TRERF1: variants seen among roughly 807,000 people sequenced by gnomAD.
TRERF1 encodes transcriptional-regulating factor 1.
A neutral mutation model predicts 122.9 loss-of-function variants in TRERF1; 27 were observed. The observed-to-expected ratio is 0.22, with a 90% CI of 0.16 to 0.30. The LOEUF is 0.30. TRERF1 is among the 10% of genes least tolerant of loss of function. TRERF1 has a pLI of 1.00. For missense variants in TRERF1, 1,248 were observed against 1,560.3 expected (o/e 0.80, Z 3.37); for synonymous variants, 636 against 641.7 (o/e 0.99, Z 0.13).
At chr6:42,323,338 A>G (rs959587402) in intron 3 of TRERF1, among the ~76,000 whole-genome samples, 1 of 151,908 alleles carries the variant, frequency 6.6e-6, no homozygotes, top group Admixed American at 6.6e-5. Context: ...AGCTGGGATT[A>G]CAGGCATGCA....
At chr6:42,376,513 C>A (rs1413650319) in intron 2 of TRERF1, among the ~76,000 whole-genome samples, 10 of 150,374 alleles carry the variant, frequency 6.7e-5, no homozygotes, top group Non-Finnish European at 1.3e-4. Flanking sequence ...AATGTTGAAA[C>A]CTTCATGACT....
At chr6:42,391,171 CTTT>C (rs974255782) in intron 2 of TRERF1, among the ~76,000 whole-genome samples, 1 of 152,156 alleles carries the variant, frequency 6.6e-6, no homozygotes, top group Non-Finnish European at 1.5e-5. Context: ...CAGAACAGGG[CTTT>C]TCGAGATCTT....
chr6:42,387,268 C>T (rs1157461081), intron 2 of TRERF1, among the ~76,000 whole-genome samples: 1 of 152,190 alleles, frequency 6.6e-6, no homozygotes, highest in African/African-American at 2.4e-5. Flanking sequence ...AAATACAAAT[C>T]TAAGGAAATG....
At chr6:42,436,425 T>C (rs1465456988) in intron 2 of TRERF1, among the ~76,000 whole-genome samples, 2 of 152,182 alleles carry the variant, frequency 1.3e-5, no homozygotes, top group East Asian at 3.8e-4. Flanking sequence ...AATATTTAAT[T>C]AGTAAGTATT....
At position 42,269,624 on chromosome 6, in the gene TRERF1, A is replaced by C. The variant is rs1172199835; in HGVS notation, c.-34T>G. ...CCTTGGTTGTGAACGTCCAGCCACA[A>C]AACCATAAAAAAGGTAAATAAAACA... On this transcript the variant is annotated 5_prime_UTR_variant, in exon 5 of 18. Coordinates refer to ENST00000372922, the Ensembl canonical transcript of TRERF1. This position sits in a 1 kb window ranked among gnomAD's most constrained non-coding sequence, Gnocchi z 4.9. 6.3e-7 allele frequency: 1 copy of C among 1,595,646 alleles called. No individual in the cohort carries two copies. Among genetic ancestry groups the C allele is most frequent in the Admixed American group, 1.7e-5 (1 of 57,682 alleles).
chr6:42,277,235 C>T (rs1487180583), intron 4 of TRERF1, among the ~76,000 whole-genome samples: 1 of 152,106 alleles, frequency 6.6e-6, no homozygotes, highest in Non-Finnish European at 1.5e-5. Flanking sequence ...TTCCTGGACA[C>T]ATTTGTTTCA....
intron 2 of TRERF1, among the ~76,000 whole-genome samples, chr6:42,366,073 T>C (rs1772671805): frequency 6.6e-6 from 1 of 152,080 alleles, no homozygotes; most frequent in Non-Finnish European, 1.5e-5. Flanking sequence ...ACCCAGCACA[T>C]TCCTCCCCTG....
rs1316955757 is a variant in TRERF1, at chr6:42,360,770, TTAAAAAAAAAAAA to T, written c.-371+2214_-371+2226del. On this transcript the variant is annotated intron_variant, in intron 3 of 17. Transcript: ENST00000372922. ...ACCCAGGGAGGAAGGAGTGGAGAGA[TTAAAAAAAAAAAA>T]AAAAAAAAAAAAAAAAAAACCTGGA... Among the ~76,000 whole-genome samples the T allele has an allele frequency of 3.3e-3, 209 of 64,096 alleles. 3 individuals carry two copies. Among genetic ancestry groups the T allele is most frequent in the African/African-American group, 8.9e-3 (192 of 21,630 alleles). The allele number at this position is 64,096 out of a possible 152,430, so 42.0% of individuals were successfully genotyped here. A position where few individuals can be genotyped will look rare whatever the true frequency, so the allele number is the denominator to read the frequency against.
chr6:42,229,972 C>T (rs114629079), intron 17 of TRERF1, among the ~76,000 whole-genome samples: 2,941 of 152,132 alleles, frequency 0.019, 91 homozygotes, highest in African/African-American at 0.066. Flanking sequence ...CAGTAAACGG[C>T]CCACAAAACC....
At chr6:42,422,982 G>A (rs1783020370) in intron 2 of TRERF1, among the ~76,000 whole-genome samples, 1 of 152,202 alleles carries the variant, frequency 6.6e-6, no homozygotes, top group East Asian at 1.9e-4. Context: ...TGGGATTACA[G>A]GCATGCGCCA....
rs185889768 is a variant in TRERF1 at position 42,254,252 on chromosome 6, G to A, written c.2656+599C>T. Among the ~76,000 whole-genome samples, 177 of 152,244 alleles carry A rather than the reference G, an allele frequency of 1.2e-3. 1 individual carries two copies. The highest frequency in any genetic ancestry group is 4.0e-3 in the African/African-American group (166 of 41,534). On this transcript the variant is annotated intron_variant, in intron 13 of 17. Coordinates refer to ENST00000372922, the Ensembl canonical transcript of TRERF1. ...CCTCCTCAGAGCCTCTGAGCTGCAC[G>A]ACGTAGGACTCTGCCCATGTCTGTC...
intron 2 of TRERF1, among the ~76,000 whole-genome samples, chr6:42,394,576 T>C (rs914632922): frequency 2.0e-5 from 3 of 152,062 alleles, no homozygotes; most frequent in Admixed American, 6.5e-5. Context: ...GGATTGGGAA[T>C]AAAAACCAAG....
intron 3 of TRERF1, among the ~76,000 whole-genome samples, chr6:42,357,624 A>G (rs1415555291): frequency 6.6e-6 from 1 of 152,180 alleles, no homozygotes; most frequent in Admixed American, 6.5e-5. Context: ...TCCTGCAGGA[A>G]GGCAACCAAC....
chr6:42,259,691 G>C lies in TRERF1; in HGVS notation c.1917C>G (p.Pro639=). ...CGGTCTTGAGGGGCTCCTCGGCTTT[G>C]GGCACACTCGGCTGATGCTTCCTGG... The change falls in exon 9 of 18, where the codon CCC becomes CCG. Residue 639 remains proline (P), a synonymous_variant. Transcript: ENST00000372922. This position sits in a 1 kb window ranked among gnomAD's most constrained non-coding sequence, Gnocchi z 4.9. 1 of 1,605,402 alleles carries C rather than the reference G, an allele frequency of 6.2e-7. No individual in the cohort carries two copies.
rs965561553 is a variant in TRERF1, at chr6:42,263,643, A to G, written c.1636-75T>C. On this transcript the variant is annotated intron_variant, in intron 7 of 17. Coordinates refer to ENST00000372922, the Ensembl canonical transcript of TRERF1. This position sits in a 1 kb window ranked among gnomAD's most constrained non-coding sequence, Gnocchi z 5.6. ...AGGGGGATGCACTTTGCTTTTCCCG[A>G]AAGGTTCCAGGACATCAGGTATGGG... The G allele has an allele frequency of 2.8e-6, 4 of 1,404,524 alleles. No homozygotes were observed. The highest frequency in any genetic ancestry group is 3.7e-6 in the Non-Finnish European group (4 of 1,074,438). The allele number at this position is 1,404,524 out of a possible 1,614,324, so 87.0% of individuals were successfully genotyped here.
chr6:42,256,155 A>T (rs1045291806), intron 12 of TRERF1, among the ~76,000 whole-genome samples: 6 of 149,018 alleles, frequency 4.0e-5, no homozygotes, highest in African/African-American at 1.2e-4. Flanking sequence ...AAAAAAAGGA[A>T]GTCCAGGTTG....
chr6:42,422,394 T>C (rs1220316226), intron 2 of TRERF1, among the ~76,000 whole-genome samples: 3 of 150,926 alleles, frequency 2.0e-5, no homozygotes, highest in Non-Finnish European at 4.4e-5. Flanking sequence ...GGCGTATGCC[T>C]GTAGTTCCAG....
chr6:42,351,236 G>C (rs1056514557), intron 3 of TRERF1, among the ~76,000 whole-genome samples: 3 of 152,160 alleles, frequency 2.0e-5, no homozygotes, highest in African/African-American at 7.2e-5. Context: ...TGGTGATATG[G>C]ATCACTAGCC....
intron 4 of TRERF1, among the ~76,000 whole-genome samples, chr6:42,277,868 GAAGAAGA>G (rs1781446011): frequency 8.0e-6 from 1 of 125,162 alleles, no homozygotes; most frequent in East Asian, 2.4e-4. Flanking sequence ...AAGGAAGAAG[GAAGAAGA>G]AGGAAGAAGG....
Sources: gnomAD v4.1 joint callset for allele counts (sites outside exome capture counted in the v4.1 genomes callset) on GRCh38, gnomAD v4.1.1 for gene constraint, Gnocchi (gnomAD v3.1) non-coding constraint, MANE v1.5 for transcripts, NCBI Gene and HGNC (gene_info 2026-07-23, HGNC 2026-07-21) for gene names.